The following AGO2 variants were observed in gnomAD, a reference collection of about 807,000 sequenced individuals.
AGO2 encodes the protein argonaute RISC catalytic component 2.
A neutral mutation model predicts 102.3 loss-of-function variants in AGO2; 5 were observed. The ratio of observed to expected loss-of-function variants is 0.05; its 90% confidence interval spans 0.03 to 0.10. AGO2 has a LOEUF of 0.10. Among genes scored for constraint, AGO2 ranks in the 10% least tolerant of loss-of-function variants. AGO2 has a pLI of 1.00. For synonymous variants in AGO2, 449 were observed against 473.1 expected (o/e 0.95, Z 0.66); for missense variants, 541 against 1,183.7 (o/e 0.46, Z 7.97).
At chr8:140,635,407 G>GCCGC in intron 1 of AGO2, 78 bp downstream of exon 1, 4 of 959,376 alleles carry the variant, frequency 4.2e-6, no homozygotes, top group Non-Finnish European at 4.9e-6. Flanking sequence ...CCCGGCCCCT[G>GCCGC]CCGCCCGCGC....
Position 140,540,380 on chromosome 8 carries a change from G to C in AGO2, c.2034+784C>G, listed in dbSNP as rs1221233566. On this transcript the variant is annotated intron_variant, in intron 15 of 18. Transcript: ENST00000220592. This position sits in a 1 kb window ranked among gnomAD's most constrained non-coding sequence, Gnocchi z 5.0. ...TGGGGCTCCTCCCCCAACATGCCTG[G>C]GGCCGCTTTCTTCTGCTTTTCTTGC... Among the ~76,000 whole-genome samples, 1 of 152,158 alleles carries C rather than the reference G, an allele frequency of 6.6e-6. No homozygotes were observed. The highest frequency in any genetic ancestry group is 2.4e-5 in the African/African-American group (1 of 41,450).
At chr8:140,558,610 T>C in intron 6 of AGO2, 38 bp from the exon 7 acceptor site, 2 of 1,605,626 alleles carry the variant, frequency 1.2e-6, no homozygotes, top group Non-Finnish European at 1.7e-6. Context: ...ATCGGGGCTG[T>C]CCCGACCTGA....
chr8:140,542,304 T>C (rs936696230), intron 14 of AGO2, among the ~76,000 whole-genome samples: 1 of 152,168 alleles, frequency 6.6e-6, no homozygotes, highest in Non-Finnish European at 1.5e-5. Context: ...CACTGAAAAA[T>C]AGGAACTGCT....
chr8:140,527,402 T>C lies in AGO2; in HGVS notation c.*4642A>G, dbSNP rs2072524180. On this transcript the variant is annotated 3_prime_UTR_variant, in exon 19 of 19. Transcript: ENST00000220592. This position sits in a 1 kb window ranked among gnomAD's most constrained non-coding sequence, Gnocchi z 6.0. ...CCTACCACAAATCTATTTACAATCATCTCAAACAAGTACAGCAGATGCGAA... is the reference window on the plus strand; with the variant it reads ...CCTACCACAAATCTATTTACAATCACCTCAAACAAGTACAGCAGATGCGAA... The C allele has an allele frequency of 6.5e-6, 1 of 152,702 alleles. No individual in the cohort carries two copies. Among genetic ancestry groups the C allele is most frequent in the Admixed American group, 6.5e-5 (1 of 15,284 alleles). 9.5% of individuals were successfully genotyped at this position (152,702 alleles called of 1,614,324 possible).
rs370882026 is a variant in AGO2 at position 140,557,274 on chromosome 8, C to T, written c.879-38G>A. 1.3e-5 allele frequency: 20 copies of T among 1,577,780 alleles called. No individual in the cohort carries two copies. Among genetic ancestry groups the T allele is most frequent in the South Asian group, 2.3e-5 (2 of 86,530 alleles). On this transcript the variant is annotated intron_variant, in intron 7 of 18. Coordinates refer to ENST00000220592, the MANE Select transcript of AGO2 (RefSeq NM_012154.5). The surrounding 1 kb of genome is among the most constrained non-coding windows in gnomAD (Gnocchi z 5.9). ...GGGGCTGTTCAGGCCGAGGGCATCCCGGAGCCCCTTCCCCTGCGCTGCTTT... is the reference window on the plus strand; with the variant it reads ...GGGGCTGTTCAGGCCGAGGGCATCCTGGAGCCCCTTCCCCTGCGCTGCTTT...
Position 140,523,809 on chromosome 8 carries a change from G to C in AGO2, c.*8235C>G. On this transcript the variant is annotated 3_prime_UTR_variant, in exon 19 of 19. Coordinates refer to ENST00000220592, the MANE Select transcript of AGO2 (RefSeq NM_012154.5). Reference sequence around the variant, plus strand: ...TGCAGCCGTTGCCTCTGTGGAGGGAGAGGCCATTCCTTGCCTTGCAGGATG... The same window carrying C: ...TGCAGCCGTTGCCTCTGTGGAGGGACAGGCCATTCCTTGCCTTGCAGGATG... 1 of 152,224 alleles carries C rather than the reference G, an allele frequency of 6.6e-6. No individual in the cohort carries two copies. The highest frequency in any genetic ancestry group is 3.2e-3 in the Middle Eastern group (1 of 316). 9.4% of individuals were successfully genotyped at this position (152,224 alleles called of 1,614,324 possible).
rs2072557900 is a variant in AGO2 at position 140,529,740 on chromosome 8, C to G, written c.*2304G>C. On this transcript the variant is annotated 3_prime_UTR_variant, in exon 19 of 19. Transcript: ENST00000220592. ...AGGGCTGCAGGCCATCGCTTAGACA[C>G]AGATGCCCTGGCCATCCCTGAAGTA... The G allele has an allele frequency of 6.6e-6, 1 of 152,302 alleles. No homozygotes were observed. Among genetic ancestry groups the G allele is most frequent in the African/African-American group, 2.4e-5 (1 of 41,552 alleles). The allele number at this position is 152,302 out of a possible 1,614,324, so 9.4% of individuals were successfully genotyped here.
chr8:140,627,916 C>T (rs1341797474), intron 1 of AGO2, among the ~76,000 whole-genome samples: 1 of 152,184 alleles, frequency 6.6e-6, no homozygotes, highest in South Asian at 2.1e-4. Flanking sequence ...GGCTGCTGCC[C>T]CCACTGTCTC....
rs960774122 is a variant in AGO2 at position 140,600,771 on chromosome 8, C to T, written c.23-15460G>A. Among the ~76,000 whole-genome samples the T allele has an allele frequency of 4.6e-5, 7 of 151,912 alleles. 1 individual carries two copies. Among genetic ancestry groups the T allele is most frequent in the Admixed American group, 2.0e-4 (3 of 15,246 alleles). On this transcript the variant is annotated intron_variant, in intron 1 of 18. Coordinates refer to ENST00000220592, the MANE Select transcript of AGO2 (RefSeq NM_012154.5). Reference sequence around the variant, plus strand: ...GGAAAGAGGCCTCCATGTCTGCTGGCGCCACGTCCGTCCTATGTCCCCTCT... The same window carrying T: ...GGAAAGAGGCCTCCATGTCTGCTGGTGCCACGTCCGTCCTATGTCCCCTCT...
Position 140,618,031 on chromosome 8 carries a change from TG to T in AGO2, c.22+17453del, listed in dbSNP as rs556498327. On this transcript the variant is annotated intron_variant, in intron 1 of 18. Transcript: ENST00000220592. Reference sequence around the variant, plus strand: ...CAAAAAAAAAAAGTTGGGCCAGGCATGGTGGCTCACGCCTGTAATCCCAGCA... The same window carrying T: ...CAAAAAAAAAAAGTTGGGCCAGGCATGTGGCTCACGCCTGTAATCCCAGCA... 6.5e-3 allele frequency among the ~76,000 whole-genome samples: 971 copies of T among 149,204 alleles called. 6 individuals are homozygous for T. The highest frequency in any genetic ancestry group is 9.0e-3 in the Non-Finnish European group (604 of 67,430).
intron 2 of AGO2, among the ~76,000 whole-genome samples, chr8:140,584,394 C>T (rs935255959): frequency 2.0e-5 from 3 of 152,278 alleles, no homozygotes; most frequent in African/African-American, 4.8e-5. Flanking sequence ...GGGAGGAAAA[C>T]GTGATGGGAG....
chr8:140,523,426 T>A lies in AGO2; in HGVS notation c.*8618A>T, dbSNP rs114858864. ...AATAAAATAAAACTAGAAAAATTGATAAAACTAAGGGTTAAAAGCCCTCAA... is the reference window on the plus strand; with the variant it reads ...AATAAAATAAAACTAGAAAAATTGAAAAAACTAAGGGTTAAAAGCCCTCAA... On this transcript the variant is annotated 3_prime_UTR_variant, in exon 19 of 19. Coordinates refer to ENST00000220592, the MANE Select transcript of AGO2 (RefSeq NM_012154.5). 7.7e-3 allele frequency: 1,176 copies of A among 152,262 alleles called. 14 individuals carry two copies. Among genetic ancestry groups the A allele is most frequent in the African/African-American group, 0.027 (1,119 of 41,556 alleles). 9.4% of individuals were successfully genotyped at this position (152,262 alleles called of 1,614,324 possible). A position where few individuals can be genotyped will look rare whatever the true frequency, so the allele number is the denominator to read the frequency against.
At chr8:140,599,309 C>T (rs934318250) in intron 1 of AGO2, among the ~76,000 whole-genome samples, 7 of 152,174 alleles carry the variant, frequency 4.6e-5, no homozygotes, top group African/African-American at 1.2e-4. Context: ...GGATTATCAC[C>T]GGCTCGTTTC....
At chr8:140,571,907 T>C (rs1232138775) in intron 3 of AGO2, among the ~76,000 whole-genome samples, 1 of 152,162 alleles carries the variant, frequency 6.6e-6, no homozygotes, top group Non-Finnish European at 1.5e-5. Context: ...CTAATTTTTA[T>C]ATTTTTAGTA....
chr8:140,556,861 C>A (rs1177075035), intron 8 of AGO2, among the ~76,000 whole-genome samples: 9 of 152,214 alleles, frequency 5.9e-5, no homozygotes, highest in Non-Finnish European at 1.5e-5. Flanking sequence ...TTACACACAA[C>A]CTCAGGCAAG....
rs370745605 is a variant in AGO2, at chr8:140,633,037, C to T, written c.22+2448G>A. ...AAGCGATTCTCCTGCCTCAGCCTCC[C>T]GAGTAGCTGGGACTACAGGCGTGCA... On this transcript the variant is annotated intron_variant, in intron 1 of 18. Transcript: ENST00000220592. Among the ~76,000 whole-genome samples, 20 of 152,014 alleles carry T rather than the reference C, an allele frequency of 1.3e-4. No individual in the cohort carries two copies. The East Asian group carries it at 1.7e-3, about 13-fold the overall frequency.
intron 1 of AGO2, among the ~76,000 whole-genome samples, chr8:140,599,514 A>T (rs370668767): frequency 6.6e-6 from 1 of 151,836 alleles, no homozygotes; most frequent in African/African-American, 2.4e-5. Flanking sequence ...ACCCCCTAAA[A>T]CCTGCAGCTC....
chr8:140,575,004 G>A (rs1418169791), intron 2 of AGO2, among the ~76,000 whole-genome samples: 1 of 152,212 alleles, frequency 6.6e-6, no homozygotes, highest in Non-Finnish European at 1.5e-5. Context: ...AACAGCCACA[G>A]GAAGAGGGTC....
chr8:140,581,254 C>T (rs1360459281), intron 2 of AGO2, among the ~76,000 whole-genome samples: 2 of 152,186 alleles, frequency 1.3e-5, no homozygotes, highest in Admixed American at 6.5e-5. Context: ...CAGGCTCACG[C>T]CTGTAATTCT....
Sources: allele counts gnomAD v4.1 joint callset (sites outside exome capture counted in the v4.1 genomes callset), GRCh38; gene constraint gnomAD v4.1.1; non-coding constraint Gnocchi (gnomAD v3.1); transcripts MANE v1.5; gene names NCBI Gene and HGNC (gene_info 2026-07-23, HGNC 2026-07-21).